The following MAPKAPK5 variants were observed in gnomAD, a reference collection of about 807,000 sequenced individuals.
MAPKAPK5 encodes MAP kinase-activated protein kinase 5.
Under a neutral mutation model 65.1 loss-of-function variants are expected in MAPKAPK5, and 30 were observed. The ratio of observed to expected loss-of-function variants is 0.46; its 90% confidence interval spans 0.34 to 0.63. The LOEUF (loss-of-function observed/expected upper bound fraction) is 0.63. Ranked by LOEUF, MAPKAPK5 falls within the 20% of genes least tolerant of loss-of-function variation. The pLI, the probability that MAPKAPK5 is intolerant of heterozygous loss-of-function variation, is 0.01. For missense variants in MAPKAPK5, 433 were observed against 581.4 expected, an observed-to-expected ratio of 0.74 and a Z score of 2.63; for synonymous variants, 179 against 204.6, an observed-to-expected ratio of 0.87 and a Z score of 1.07.
At chr12:111,865,148 A>G in intron 1 of MAPKAPK5, 102 bp from the exon 2 acceptor site, 1 of 690,550 alleles carries the variant, frequency 1.4e-6, no homozygotes, top group South Asian at 1.7e-5. Context: ...CTCTTAGAAG[A>G]TGAGCTGTTG....
At chr12:111,858,185 G>C (rs1385072425) in intron 1 of MAPKAPK5, among the ~76,000 whole-genome samples, 1 of 152,114 alleles carries the variant, frequency 6.6e-6, no homozygotes, top group African/African-American at 2.4e-5. Context: ...GATTACAGGC[G>C]TGAGCAACTG....
intron 13 of MAPKAPK5, 150 bp from the exon 14 acceptor site, chr12:111,892,817 C>G (rs1162859118): frequency 2.8e-5 from 13 of 460,592 alleles, no homozygotes; most frequent in Non-Finnish European, 3.9e-5. Context: ...AATGGGGGAT[C>G]TGAACTGCTT....
Position 111,900,584 on chromosome 12 carries a change from T to C in MAPKAPK5, c.*7523T>C. 2 of 456,142 alleles carry C rather than the reference T, an allele frequency of 4.4e-6. No individual in the cohort carries two copies. Among genetic ancestry groups the C allele is most frequent in the Non-Finnish European group, 8.8e-6 (2 of 226,800 alleles). 28.3% of individuals were successfully genotyped at this position (456,142 alleles called of 1,614,324 possible). ...GTAGGGATTCTGCCTGTGGAAATGGTGTGGTGGAGGACACGGAGCAGTGTG... is the reference window on the plus strand; with the variant it reads ...GTAGGGATTCTGCCTGTGGAAATGGCGTGGTGGAGGACACGGAGCAGTGTG... On this transcript the variant is annotated 3_prime_UTR_variant, in exon 14 of 14. Transcript: ENST00000550735.
chr12:111,842,800 G>T (rs779653204), intron 1 of MAPKAPK5, 31 bp downstream of exon 1: 1 of 1,308,736 alleles, frequency 7.6e-7, no homozygotes, highest in African/African-American at 1.5e-5. Context: ...CTTCCCCCGC[G>T]TTGTCCTGTG....
intron 1 of MAPKAPK5, 123 bp from the exon 2 acceptor site, chr12:111,865,127 C>A: frequency 1.6e-6 from 1 of 628,634 alleles, no homozygotes; most frequent in Non-Finnish European, 2.8e-6. Flanking sequence ...CAAAGTTCTG[C>A]TTATCAGATT....
intron 7 of MAPKAPK5, among the ~76,000 whole-genome samples, chr12:111,874,546 A>C (rs544912104): frequency 1.3e-4 from 18 of 141,008 alleles, no homozygotes; most frequent in Non-Finnish European, 2.0e-4. Context: ...ATCTCAGCTC[A>C]CTGCAACCTC....
rs57942830 is a variant in MAPKAPK5, at chr12:111,848,412, A to ATT, written c.36+5661_36+5662dup. ...AGGGTCTGTTCCAATCTTTTGCCCCATTTTTTTTTTTTTTTTTTTGAGATG... is the reference window on the plus strand; with the variant it reads ...AGGGTCTGTTCCAATCTTTTGCCCCATTTTTTTTTTTTTTTTTTTTTGAGATG... On this transcript the variant is annotated intron_variant, in intron 1 of 13. Transcript: ENST00000550735. Among the ~76,000 whole-genome samples, 110 of 123,206 alleles carry ATT rather than the reference A, an allele frequency of 8.9e-4. 2 individuals carry two copies. The highest frequency in any genetic ancestry group is 2.6e-3 in the East Asian group (11 of 4,190). The allele number at this position is 123,206 out of a possible 152,430, so 80.8% of individuals were successfully genotyped here.
chr12:111,868,603 T>C (rs2069682693), intron 4 of MAPKAPK5, 150 bp from the exon 5 acceptor site: 1 of 566,904 alleles, frequency 1.8e-6, no homozygotes, highest in Admixed American at 3.6e-5. Context: ...GAATTTTTGC[T>C]CTTAGTAACT....
At chr12:111,888,853 G>A (rs1395105900) in intron 11 of MAPKAPK5, 32 bp from the exon 12 acceptor site, 3 of 1,609,584 alleles carry the variant, frequency 1.9e-6, no homozygotes, top group South Asian at 1.1e-5. Flanking sequence ...GGGGTCTCAC[G>A]TTGTCATTAC....
Position 111,842,783 on chromosome 12 carries a change from GC to G in MAPKAPK5, c.36+19del. 1.5e-6 allele frequency: 2 copies of G among 1,320,312 alleles called. No individual in the cohort carries two copies. The highest frequency in any genetic ancestry group is 5.7e-5 in the South Asian group (2 of 35,156). The allele number at this position is 1,320,312 out of a possible 1,614,324, so 81.8% of individuals were successfully genotyped here. A position where few individuals can be genotyped will look rare whatever the true frequency, so the allele number is the denominator to read the frequency against. On this transcript the variant is annotated intron_variant, in intron 1 of 13. Transcript: ENST00000550735. ...AAAGCCATCAAGGTAAGGGGGAGGT[GC>G]CCCCTCTTCCCCCGCGTTGTCCTGT...
intron 13 of MAPKAPK5, among the ~76,000 whole-genome samples, chr12:111,891,918 C>T (rs903151732): frequency 6.6e-6 from 1 of 152,092 alleles, no homozygotes; most frequent in African/African-American, 2.4e-5. Flanking sequence ...CCTCTGTAAC[C>T]AGCACCTAGA....
chr12:111,853,397 T>C (rs915083551), intron 1 of MAPKAPK5, among the ~76,000 whole-genome samples: 13 of 152,002 alleles, frequency 8.6e-5, no homozygotes, highest in Non-Finnish European at 1.8e-4. Flanking sequence ...GGAATTGTTT[T>C]CTTCATTTCA....
Position 111,888,901 on chromosome 12 carries a change from A to G in MAPKAPK5, c.1117A>G (p.Ser373Gly), listed in dbSNP as rs1319023554. ...CTCTTAAAGCACCAAGCCAAAGGACAGTGTCTATATCCACGACCATGAGAA... is the reference window on the plus strand; with the variant it reads ...CTCTTAAAGCACCAAGCCAAAGGACGGTGTCTATATCCACGACCATGAGAA... ...RKLLGTKPKDSVYIHDHENGA... is the reference protein window; with the variant it reads ...RKLLGTKPKDGVYIHDHENGA... The change falls in exon 12 of 14, where the codon AGT (serine) becomes GGT (glycine). Residue 373 changes from serine to glycine, a missense_variant. Physicochemically the swap from Ser to Gly is moderately conservative, Grantham distance 56 (BLOSUM62 0). Around this residue, in one of 3 missense-constraint regions of MAPKAPK5, gnomAD observed 169 missense variants for 215.6 expected, o/e 0.78. Coordinates refer to ENST00000550735, the MANE Select transcript of MAPKAPK5 (RefSeq NM_003668.4). 6.2e-7 allele frequency: 1 copy of G among 1,613,848 alleles called. No homozygotes were observed. Among genetic ancestry groups the G allele is most frequent in the Non-Finnish European group, 8.5e-7 (1 of 1,179,860 alleles).
At chr12:111,879,545 A>G (rs1415217952) in intron 7 of MAPKAPK5, 1 of 151,898 alleles carries the variant, frequency 6.6e-6, no homozygotes, top group Non-Finnish European at 1.5e-5. Context: ...GCCCACCACC[A>G]TGCCCGTCTA....
At position 111,842,618 on chromosome 12, in the gene MAPKAPK5, GC is replaced by G; in HGVS notation, c.-113del. On this transcript the variant is annotated 5_prime_UTR_variant, in exon 1 of 14. Transcript: ENST00000550735. ...CCACCGGTCCCGAGGGGCGGCTGCT[GC>G]CCGTCGCCACGAGGCCCAGGGGCCC... The G allele has an allele frequency of 1.5e-6, 1 of 645,328 alleles. No homozygotes were observed. The highest frequency in any genetic ancestry group is 2.3e-6 in the Non-Finnish European group (1 of 437,340). 40.0% of individuals were successfully genotyped at this position (645,328 alleles called of 1,614,324 possible). A position where few individuals can be genotyped will look rare whatever the true frequency, so the allele number is the denominator to read the frequency against.
chr12:111,848,747 T>TGA (rs1379968977), intron 1 of MAPKAPK5, among the ~76,000 whole-genome samples: 2 of 151,990 alleles, frequency 1.3e-5, no homozygotes, highest in African/African-American at 4.8e-5. Flanking sequence ...TTTTTTGTTT[T>TGA]GAGATGGAGT....
chr12:111,875,506 T>C (rs1872776504), intron 7 of MAPKAPK5, among the ~76,000 whole-genome samples: 1 of 152,088 alleles, frequency 6.6e-6, no homozygotes, highest in Non-Finnish European at 1.5e-5. Context: ...CCCTTAGCAA[T>C]AGATTGCTGT....
intron 7 of MAPKAPK5, among the ~76,000 whole-genome samples, chr12:111,875,371 C>G (rs1455115684): frequency 6.6e-6 from 1 of 151,898 alleles, no homozygotes; most frequent in Non-Finnish European, 1.5e-5. Context: ...TAGGTGGGAT[C>G]TGAAATGCCA....
At chr12:111,889,468 C>T (rs557746265) in intron 12 of MAPKAPK5, 1 of 168,762 alleles carries the variant, frequency 5.9e-6, no homozygotes, top group African/African-American at 2.4e-5. Flanking sequence ...CTACTCATGT[C>T]ATGGGCAGAG....
Sources: gnomAD v4.1 joint callset for allele counts (sites outside exome capture counted in the v4.1 genomes callset) on GRCh38, gnomAD v4.1.1 for gene constraint, gnomAD v4.1.1 regional missense constraint, MANE v1.5 for transcripts, NCBI Gene and HGNC (gene_info 2026-07-23, HGNC 2026-07-21) for gene names.